The following IGSF21 variants were observed in gnomAD, a reference collection of about 807,000 sequenced individuals.
IGSF21 encodes the protein immunoglobin superfamily member 21.
A neutral mutation model predicts 46.8 loss-of-function variants in IGSF21; 28 were observed. That is an observed-to-expected ratio of 0.60 (90% CI 0.44 to 0.82). The LOEUF is 0.82. IGSF21 is among the 40% of genes least tolerant of loss of function. The pLI is 0.00. For synonymous variants in IGSF21, 284 were observed against 273.6 expected (o/e 1.04, Z -0.38); for missense variants, 624 against 665.5 (o/e 0.94, Z 0.69).
At chr1:18,214,511 A>G (rs2124493862) in intron 1 of IGSF21, among the ~76,000 whole-genome samples, 2 of 152,310 alleles carry the variant, frequency 1.3e-5, no homozygotes, top group South Asian at 4.2e-4. Context: ...GGCCAGTTGA[A>G]CATACCTATT....
intron 2 of IGSF21, among the ~76,000 whole-genome samples, chr1:18,246,894 A>C (rs1027949720): frequency 2.0e-5 from 3 of 152,080 alleles, no homozygotes; most frequent in African/African-American, 7.2e-5. Context: ...AAGAGAGCGA[A>C]TCTTTGTTGG....
At chr1:18,278,493 G>A (rs188392856) in intron 2 of IGSF21, among the ~76,000 whole-genome samples, 321 of 151,380 alleles carry the variant, frequency 2.1e-3, no homozygotes, top group Middle Eastern at 6.8e-3. Flanking sequence ...TGCCTGCCTC[G>A]GCCTCCCAAA....
At chr1:18,328,528 C>A (rs1191404493) in intron 3 of IGSF21, among the ~76,000 whole-genome samples, 1 of 152,168 alleles carries the variant, frequency 6.6e-6, no homozygotes, top group Non-Finnish European at 1.5e-5. Flanking sequence ...GTCTTGTTCC[C>A]TTATATATAC....
At chr1:18,358,817 G>A (rs2086052581) in intron 4 of IGSF21, among the ~76,000 whole-genome samples, 2 of 152,322 alleles carry the variant, frequency 1.3e-5, no homozygotes, top group Admixed American at 6.5e-5. Flanking sequence ...AAGTGGTACA[G>A]CTGATCTTTG....
At chr1:18,182,431 G>A (rs1557576081) in intron 1 of IGSF21, among the ~76,000 whole-genome samples, 1 of 151,994 alleles carries the variant, frequency 6.6e-6, no homozygotes, top group Non-Finnish European at 1.5e-5. Context: ...CGCTCACCTC[G>A]GCCTCCCAAA....
chr1:18,342,568 C>T (rs978125579), intron 4 of IGSF21, among the ~76,000 whole-genome samples: 18 of 152,216 alleles, frequency 1.2e-4, no homozygotes, highest in African/African-American at 4.3e-4. Flanking sequence ...TACCCATCAG[C>T]AGTTACACAC....
intron 2 of IGSF21, among the ~76,000 whole-genome samples, chr1:18,254,332 C>G (rs572642520): frequency 6.6e-6 from 1 of 151,702 alleles, no homozygotes; most frequent in South Asian, 2.1e-4. Context: ...ATCTAGACCT[C>G]TATCTGAATA....
chr1:18,123,650 T>A (rs1223537093), intron 1 of IGSF21, among the ~76,000 whole-genome samples: 1 of 152,112 alleles, frequency 6.6e-6, no homozygotes, highest in African/African-American at 2.4e-5. Flanking sequence ...GATGCATGAC[T>A]GGGTCTTGAA....
At chr1:18,304,845 G>A (rs1027887719) in intron 3 of IGSF21, among the ~76,000 whole-genome samples, 2 of 152,088 alleles carry the variant, frequency 1.3e-5, no homozygotes, top group Non-Finnish European at 2.9e-5. Context: ...TAAAAAAATT[G>A]AAGGCTAAAA....
intron 3 of IGSF21, among the ~76,000 whole-genome samples, chr1:18,298,392 T>C (rs2085331526): frequency 2.0e-5 from 3 of 152,172 alleles, no homozygotes; most frequent in Admixed American, 6.5e-5. Context: ...CCCCTCCCCA[T>C]GGAATGTGGC....
At chr1:18,256,316 A>T (rs369457555) in intron 2 of IGSF21, among the ~76,000 whole-genome samples, 8 of 152,326 alleles carry the variant, frequency 5.3e-5, no homozygotes, top group African/African-American at 1.9e-4. Context: ...TGTGATTCCT[A>T]AATTACAGCA....
At chr1:18,163,891 T>C (rs1226456895) in intron 1 of IGSF21, among the ~76,000 whole-genome samples, 1 of 152,152 alleles carries the variant, frequency 6.6e-6, no homozygotes, top group African/African-American at 2.4e-5. Context: ...CAATAACGGG[T>C]GTTTTCCAAT....
chr1:18,193,453 A>G (rs2086977489), intron 1 of IGSF21, among the ~76,000 whole-genome samples: 1 of 152,210 alleles, frequency 6.6e-6, no homozygotes, highest in African/African-American at 2.4e-5. Context: ...AAGGTCCCAC[A>G]ATTGGCTGTC....
At position 18,365,533 on chromosome 1, in the gene IGSF21, C is replaced by T. The variant is rs1259138565; in HGVS notation, c.851C>T (p.Thr284Ile). Reference protein sequence around the residue: ...FPRWVHSAEPTYFLRHSRTPS... With the variant: ...FPRWVHSAEPIYFLRHSRTPS... ...CGCTGGGTCCACAGCGCCGAGCCCA[C>T]CTACTTCCTGCGCCACAGCCGCACC... is the stretch of plus-strand genomic sequence containing the variant. Residue 284 changes from threonine (T) to isoleucine (I), a missense_variant, in exon 6 of 10, where the codon ACC (threonine) becomes ATC (isoleucine). Thr to Ile is a moderately conservative substitution (Grantham distance 89, BLOSUM62 -1). Transcript: ENST00000251296. The surrounding 1 kb of genome is among the most constrained non-coding windows in gnomAD (Gnocchi z 4.8). 1 of 1,614,124 alleles carries T rather than the reference C, an allele frequency of 6.2e-7. No individual in the cohort carries two copies. The highest frequency in any genetic ancestry group is 1.3e-5 in the African/African-American group (1 of 75,018).
intron 2 of IGSF21, among the ~76,000 whole-genome samples, chr1:18,277,888 AG>A (rs1394529602): frequency 2.4e-4 from 37 of 152,204 alleles, no homozygotes; most frequent in Non-Finnish European, 1.8e-4. Flanking sequence ...GAAGGAGCGG[AG>A]GGAATTTTCT....
At position 18,290,460 on chromosome 1, in the gene IGSF21, C is replaced by T. The variant is rs1361934249; in HGVS notation, c.184-1406C>T. On this transcript the variant is annotated intron_variant, in intron 2 of 9. Coordinates refer to ENST00000251296, the MANE Select transcript of IGSF21 (RefSeq NM_032880.5). The surrounding 1 kb of genome is among the most constrained non-coding windows in gnomAD (Gnocchi z 4.2). ...GGGTCCCAGAGCCTGCGAAGGCCTT[C>T]TCATGATTCTAACCATCCCCCGTCC... Among the ~76,000 whole-genome samples the T allele has an allele frequency of 6.6e-6, 1 of 152,188 alleles. No homozygotes were observed. The highest frequency in any genetic ancestry group is 1.5e-5 in the Non-Finnish European group (1 of 68,022).
At chr1:18,138,320 A>G (rs1167362334) in intron 1 of IGSF21, among the ~76,000 whole-genome samples, 2 of 152,144 alleles carry the variant, frequency 1.3e-5, no homozygotes, top group African/African-American at 4.8e-5. Flanking sequence ...ATCTCAATCC[A>G]TCCTTACGAT....
In IGSF21 at chr1:18,108,066, G is replaced by A; in HGVS notation, c.-63G>A. 1 of 783,294 alleles carries A rather than the reference G, an allele frequency of 1.3e-6. No homozygotes were observed. 48.5% of individuals were successfully genotyped at this position (783,294 alleles called of 1,614,324 possible). ...AGGAGCGCGTCTGAGCCCATGGCGA[G>A]GGGACCCGCCGCCACCGCCTCCACC... On this transcript the variant is annotated 5_prime_UTR_variant, in exon 1 of 10. Transcript: ENST00000251296.
At position 18,344,007 on chromosome 1, in the gene IGSF21, A is replaced by G. The variant is rs889720666; in HGVS notation, c.424+8997A>G. ...AGAGGGTACAGAAGGTCCTGGGGGTAATGAAGGCTGAGTCTACTTCCAGGA... is the reference window on the plus strand; with the variant it reads ...AGAGGGTACAGAAGGTCCTGGGGGTGATGAAGGCTGAGTCTACTTCCAGGA... On this transcript the variant is annotated intron_variant, in intron 4 of 9. Coordinates refer to ENST00000251296, the MANE Select transcript of IGSF21 (RefSeq NM_032880.5). Among the ~76,000 whole-genome samples, 79 of 152,272 alleles carry G rather than the reference A, an allele frequency of 5.2e-4. 1 individual carries two copies. The highest frequency in any genetic ancestry group is 1.9e-3 in the African/African-American group (77 of 41,560).
Sources: gnomAD v4.1 joint callset for allele counts (sites outside exome capture counted in the v4.1 genomes callset) on GRCh38, gnomAD v4.1.1 for gene constraint, Gnocchi (gnomAD v3.1) non-coding constraint, MANE v1.5 for transcripts, NCBI Gene and HGNC (gene_info 2026-07-23, HGNC 2026-07-21) for gene names.